Variants in PRKG2 observed in about 807,000 individuals in gnomAD.
The protein encoded by PRKG2 is protein kinase cGMP-dependent 2, also known as cGMP-dependent protein kinase 2.
A neutral mutation model predicts 97.2 loss-of-function variants in PRKG2; 33 were observed. That is an observed-to-expected ratio of 0.34 (90% CI 0.26 to 0.45). PRKG2 has a LOEUF of 0.45. Among genes scored for constraint, PRKG2 ranks in the 20% least tolerant of loss-of-function variants. The pLI is 1.00. For synonymous variants in PRKG2, 330 were observed against 321.8 expected, an observed-to-expected ratio of 1.03 and a Z score of -0.27; for missense variants, 638 against 900.0, an observed-to-expected ratio of 0.71 and a Z score of 3.73.
intron 17 of PRKG2, among the ~76,000 whole-genome samples, chr4:81,100,982 C>T (rs1257117849): frequency 1.3e-5 from 2 of 151,992 alleles, no homozygotes; most frequent in Non-Finnish European, 2.9e-5. Context: ...TCATCACTGG[C>T]CATCAGAGAA....
chr4:81,203,647 T>C (rs1753452271), intron 2 of PRKG2, among the ~76,000 whole-genome samples: 1 of 152,160 alleles, frequency 6.6e-6, no homozygotes, highest in Non-Finnish European at 1.5e-5. Context: ...CCCTAACTAA[T>C]GATGTTTCTA....
intron 2 of PRKG2, among the ~76,000 whole-genome samples, chr4:81,198,452 T>C (rs1272288592): frequency 6.6e-6 from 1 of 152,186 alleles, no homozygotes; most frequent in Non-Finnish European, 1.5e-5. Flanking sequence ...CCATGCTTTT[T>C]ACCTCTTCCT....
In PRKG2 at chr4:81,089,674, T is replaced by C. The variant is rs778525273; in HGVS notation, c.*34A>G. On this transcript the variant is annotated 3_prime_UTR_variant, in exon 19 of 19. Coordinates refer to ENST00000264399, the MANE Select transcript of PRKG2 (RefSeq NM_006259.3). ...ATTATTGATCCTTGAGGTCCTCTTC[T>C]GTAGAGTACAGGCAGTAATCAACTT... 4.8e-6 allele frequency: 7 copies of C among 1,448,024 alleles called. No individual in the cohort carries two copies. The highest frequency in any genetic ancestry group is 4.7e-5 in the South Asian group (4 of 85,970). The allele number at this position is 1,448,024 out of a possible 1,614,324, so 89.7% of individuals were successfully genotyped here.
chr4:81,144,549 T>C lies in PRKG2; in HGVS notation c.1155-219A>G, dbSNP rs191131822. ...TTTATAAAAGCAAAGGGGCTATTAA[T>C]GAGAACAGGAAACTTTTTTATAGTT... On this transcript the variant is annotated intron_variant, in intron 9 of 18. Coordinates refer to ENST00000264399, the MANE Select transcript of PRKG2 (RefSeq NM_006259.3). Among the ~76,000 whole-genome samples, 566 of 151,414 alleles carry C rather than the reference T, an allele frequency of 3.7e-3. 5 individuals are homozygous for C. The highest frequency in any genetic ancestry group is 0.013 in the African/African-American group (532 of 41,368).
chr4:81,202,906 G>A (rs1383187827), intron 2 of PRKG2, among the ~76,000 whole-genome samples: 1 of 152,020 alleles, frequency 6.6e-6, no homozygotes, highest in Non-Finnish European at 1.5e-5. Context: ...TACATCTGGT[G>A]TCATATATAG....
intron 17 of PRKG2, among the ~76,000 whole-genome samples, chr4:81,096,544 T>G: frequency 6.6e-6 from 1 of 151,464 alleles, no homozygotes. Context: ...AAATAAATAA[T>G]CAAATAAATA....
chr4:81,197,393 T>A (rs954446986), intron 2 of PRKG2, among the ~76,000 whole-genome samples: 2 of 152,194 alleles, frequency 1.3e-5, no homozygotes, highest in African/African-American at 4.8e-5. Context: ...CTGCTCAAAC[T>A]CACCTGGAAT....
At position 81,171,783 on chromosome 4, in the gene PRKG2, T is replaced by C. The variant is rs1419074058; in HGVS notation, c.650A>G (p.Gln217Arg). 6.2e-7 allele frequency: 1 copy of C among 1,610,368 alleles called. No homozygotes were observed. Among genetic ancestry groups the C allele is most frequent in the Admixed American group, 1.7e-5 (1 of 59,346 alleles). The change falls in exon 4 of 19, where the codon CAA becomes CGA. Residue 217 changes from glutamine to arginine, a missense_variant. This residue lies in a region of PRKG2 where 332 missense variants were observed against 421.7 expected (regional missense o/e 0.79). Transcript: ENST00000264399. ...VLAEGRLEVF[Q>R]GEKLLSSIPM... ...GATGGAGGACAGCAATTTCTCCCCT[T>C]GGAACACCTCTAGTCGACCCTCTAT...
chr4:81,155,486 C>A (rs1748984601), intron 6 of PRKG2, among the ~76,000 whole-genome samples: 1 of 152,026 alleles, frequency 6.6e-6, no homozygotes, highest in Non-Finnish European at 1.5e-5. Context: ...GAGAACGGAA[C>A]CAAGTTGGAA....
intron 14 of PRKG2, among the ~76,000 whole-genome samples, chr4:81,123,160 A>G (rs1338269130): frequency 6.6e-6 from 1 of 152,246 alleles, no homozygotes; most frequent in Admixed American, 6.5e-5. Flanking sequence ...TGAGGAACAT[A>G]TATTAAAATT....
At chr4:81,134,567 T>C (rs139900567) in intron 14 of PRKG2, among the ~76,000 whole-genome samples, 2 of 152,264 alleles carry the variant, frequency 1.3e-5, no homozygotes, top group African/African-American at 4.8e-5. Flanking sequence ...ATGTGACTAA[T>C]AGTAATTTTT....
At chr4:81,098,488 A>G (rs905029016) in intron 17 of PRKG2, among the ~76,000 whole-genome samples, 17 of 152,158 alleles carry the variant, frequency 1.1e-4, no homozygotes, top group Non-Finnish European at 1.6e-4. Context: ...CTTTCAGTCT[A>G]TCTCAGCTTT....
At chr4:81,145,707 T>C (rs938925209) in intron 9 of PRKG2, among the ~76,000 whole-genome samples, 1 of 152,180 alleles carries the variant, frequency 6.6e-6, no homozygotes, top group Non-Finnish European at 1.5e-5. Flanking sequence ...ACAATCCATC[T>C]TGACTGGTAA....
At chr4:81,175,464 A>T (rs1750842614) in intron 2 of PRKG2, 1 of 152,192 alleles carries the variant, frequency 6.6e-6, no homozygotes, top group African/African-American at 2.4e-5. Context: ...ACTAAGAGGT[A>T]AGAAGCAACT....
rs1179123431 is a variant in PRKG2, at chr4:81,148,944, A to T, written c.1094T>A (p.Val365Asp). 1 of 1,613,632 alleles carries T rather than the reference A, an allele frequency of 6.2e-7. No homozygotes were observed. The highest frequency in any genetic ancestry group is 8.5e-7 in the Non-Finnish European group (1 of 1,179,678). The change falls in exon 9 of 19, where the codon GTC becomes GAC. Residue 365 changes from valine to aspartate, a missense_variant. By Grantham distance (152) the Val-to-Asp change is radical. Around this residue, in one of 3 missense-constraint regions of PRKG2, gnomAD observed 2 missense variants for 17.8 expected, o/e 0.11. Transcript: ENST00000264399. ...FGEKALISDDVRSANIIAEEN... is the reference protein window; with the variant it reads ...FGEKALISDDDRSANIIAEEN... ...TTCAGCAATAATGTTAGCTGACCTG[A>T]CATCATCACTGCAAACAAAAATAGG...
chr4:81,142,342 G>A (rs1413502430), intron 11 of PRKG2, among the ~76,000 whole-genome samples: 2 of 152,168 alleles, frequency 1.3e-5, no homozygotes, highest in Non-Finnish European at 2.9e-5. Flanking sequence ...GTGAAATACA[G>A]ACATGGTACT....
In PRKG2 at chr4:81,176,417, G is replaced by T. The variant is rs562653820; in HGVS notation, c.462-1458C>A. Among the ~76,000 whole-genome samples the T allele has an allele frequency of 2.0e-5, 3 of 152,110 alleles. No homozygotes were observed. In the South Asian group the frequency reaches 6.2e-4, roughly 32 times the overall value. ...CTTGCTAAAAAAAAATTTAAAAATG[G>T]ATTTCATGTTCATCCAATTCATTTT... On this transcript the variant is annotated intron_variant, in intron 2 of 18. Transcript: ENST00000264399.
At chr4:81,101,694 T>C (rs1387552996) in intron 17 of PRKG2, among the ~76,000 whole-genome samples, 8 of 146,254 alleles carry the variant, frequency 5.5e-5, no homozygotes, top group Non-Finnish European at 1.2e-4. Context: ...TGTGCACATG[T>C]ACCCTAAAAC....
At chr4:81,196,544 G>C (rs142149741) in intron 2 of PRKG2, among the ~76,000 whole-genome samples, 1 of 152,136 alleles carries the variant, frequency 6.6e-6, no homozygotes, top group East Asian at 1.9e-4. Context: ...GGAAGCTCTA[G>C]GTCTTTCTTT....
Sources: allele counts gnomAD v4.1 joint callset (sites outside exome capture counted in the v4.1 genomes callset), GRCh38; gene constraint gnomAD v4.1.1; regional missense constraint gnomAD v4.1.1; transcripts MANE v1.5; gene names NCBI Gene and HGNC (gene_info 2026-07-23, HGNC 2026-07-21).